TRIM2: variants seen among roughly 807,000 people sequenced by gnomAD.
The protein encoded by TRIM2 is tripartite motif-containing protein 2.
A neutral mutation model predicts 75.2 loss-of-function variants in TRIM2; 20 were observed. The observed-to-expected ratio is 0.27, with a 90% CI of 0.19 to 0.39. The LOEUF is 0.39. TRIM2 is among the 10% of genes least tolerant of loss of function. The pLI, the probability that TRIM2 is intolerant of heterozygous loss-of-function variation, is 1.00. For synonymous variants in TRIM2, 373 were observed against 388.3 expected, an observed-to-expected ratio of 0.96 and a Z score of 0.46; for missense variants, 660 against 990.8, an observed-to-expected ratio of 0.67 and a Z score of 4.48.
At chr4:153,228,630 T>C (rs903238037) in intron 1 of TRIM2, among the ~76,000 whole-genome samples, 12 of 152,256 alleles carry the variant, frequency 7.9e-5, no homozygotes, top group African/African-American at 2.9e-4. Flanking sequence ...AATTCTTTCT[T>C]ACAATGCTGC....
At chr4:153,235,262 T>A (rs1744716093) in intron 1 of TRIM2, among the ~76,000 whole-genome samples, 1 of 151,974 alleles carries the variant, frequency 6.6e-6, no homozygotes, top group Admixed American at 6.6e-5. Flanking sequence ...TGGGAAAAGC[T>A]GTGCCTGCTT....
At chr4:153,220,598 G>T (rs1394232938) in intron 1 of TRIM2, among the ~76,000 whole-genome samples, 1 of 152,118 alleles carries the variant, frequency 6.6e-6, no homozygotes, top group Non-Finnish European at 1.5e-5. Flanking sequence ...TTTAAAATGG[G>T]CAAATAGTGT....
At position 153,295,163 on chromosome 4, in the gene TRIM2, G is replaced by A; in HGVS notation, c.787-150G>A. 1.8e-6 allele frequency: 2 copies of A among 1,098,036 alleles called. No individual in the cohort carries two copies. Among genetic ancestry groups the A allele is most frequent in the East Asian group, 2.6e-5 (1 of 37,756 alleles). The allele number at this position is 1,098,036 out of a possible 1,614,324, so 68.0% of individuals were successfully genotyped here. A position where few individuals can be genotyped will look rare whatever the true frequency, so the allele number is the denominator to read the frequency against. ...GAATGCAGTTTAGGACTTTGCGTTA[G>A]CACTGGGTTCCCTGGGTTGACAAAC... On this transcript the variant is annotated intron_variant, in intron 5 of 11. Transcript: ENST00000338700. This position sits in a 1 kb window ranked among gnomAD's most constrained non-coding sequence, Gnocchi z 7.2.
chr4:153,294,305 G>A lies in TRIM2; in HGVS notation c.606G>A (p.Arg202=). 1 of 1,613,682 alleles carries A rather than the reference G, an allele frequency of 6.2e-7. No homozygotes were observed. The highest frequency in any genetic ancestry group is 8.5e-7 in the Non-Finnish European group (1 of 1,179,794). ...ACGACCTTTAACAACTGTCCACCAG[G>A]CTCCCAGAAATAGATTCTGCTCTTC... is the stretch of plus-strand genomic sequence containing the variant. The part of the protein sequence containing the change: ...LQVQLDAVNK[R]LPEIDSALQF... The change falls in exon 5 of 12, where the codon AGG becomes AGA. Residue 202 remains arginine, a splice_region_variant and synonymous_variant. Coordinates refer to ENST00000338700, the MANE Select transcript of TRIM2 (RefSeq NM_015271.5).
intron 1 of TRIM2, among the ~76,000 whole-genome samples, chr4:153,161,947 C>T (rs1284875980): frequency 1.3e-5 from 2 of 152,346 alleles, no homozygotes; most frequent in East Asian, 3.9e-4. Context: ...TGGCCAGACT[C>T]TGATTATGAT....
chr4:153,283,722 T>C (rs1759895281), intron 3 of TRIM2, among the ~76,000 whole-genome samples: 1 of 151,752 alleles, frequency 6.6e-6, no homozygotes, highest in Non-Finnish European at 1.5e-5. Context: ...CTGCAACTTC[T>C]GCCTCCCAGG....
At chr4:153,328,693 A>G (rs375598556) in intron 11 of TRIM2, 23 bp downstream of exon 11, 26 of 1,562,614 alleles carry the variant, frequency 1.7e-5, no homozygotes, top group Non-Finnish European at 1.6e-5. Flanking sequence ...GCTAATGTAT[A>G]TGGTTAGAGT....
At chr4:153,204,357 C>T (rs1259086379), upstream of TRIM2, 3 of 661,688 alleles carry the variant, frequency 4.5e-6, no homozygotes, top group East Asian at 8.2e-5. Context: ...ATCATTGGCT[C>T]TCATTGTCCC....
At chr4:153,177,646 C>CAA (rs1211243448) in intron 1 of TRIM2, among the ~76,000 whole-genome samples, 1 of 132,868 alleles carries the variant, frequency 7.5e-6, no homozygotes, top group African/African-American at 3.0e-5. Context: ...ACTCCTTCTC[C>CAA]AAAAAAAAAA....
chr4:153,187,029 T>C (rs1273761007), intron 1 of TRIM2, among the ~76,000 whole-genome samples: 1 of 152,232 alleles, frequency 6.6e-6, no homozygotes, highest in African/African-American at 2.4e-5. Flanking sequence ...TTGTAAAGCA[T>C]GCTGTTTATG....
chr4:153,303,610 A>G (rs1238724066), intron 6 of TRIM2, among the ~76,000 whole-genome samples: 1 of 152,210 alleles, frequency 6.6e-6, no homozygotes, highest in Non-Finnish European at 1.5e-5. Flanking sequence ...TAATCCAGAA[A>G]TCATTCAAAG....
chr4:153,282,538 A>G (rs1759574519), intron 3 of TRIM2, among the ~76,000 whole-genome samples: 2 of 152,334 alleles, frequency 1.3e-5, no homozygotes, highest in South Asian at 2.1e-4. Context: ...ACAAAAGTAA[A>G]TAAATACATA....
chr4:153,296,075 A>T, intron 6 of TRIM2, 39 bp downstream of exon 6: 1 of 1,510,724 alleles, frequency 6.6e-7, no homozygotes, highest in Non-Finnish European at 8.8e-7. Context: ...CTGAGCTGGC[A>T]CTGGTTAAGG....
chr4:153,233,849 A>G (rs576552277), intron 1 of TRIM2, among the ~76,000 whole-genome samples: 1 of 152,312 alleles, frequency 6.6e-6, no homozygotes, highest in East Asian at 1.9e-4. Flanking sequence ...GAGATGTTAA[A>G]TGTTGCATTG....
intron 6 of TRIM2, chr4:153,308,615 C>A: frequency 1.6e-6 from 1 of 637,176 alleles, no homozygotes; most frequent in South Asian, 1.4e-5. Flanking sequence ...TCATCCACAC[C>A]TTTGGTCTTG....
chr4:153,173,784 T>C (rs1002617377), intron 1 of TRIM2, among the ~76,000 whole-genome samples: 7 of 150,190 alleles, frequency 4.7e-5, no homozygotes, highest in Admixed American at 2.0e-4. Context: ...CGGACCAACA[T>C]GGAAAAACCC....
At chr4:153,163,304 G>A (rs927294017) in intron 1 of TRIM2, among the ~76,000 whole-genome samples, 2 of 152,020 alleles carry the variant, frequency 1.3e-5, no homozygotes, top group African/African-American at 4.8e-5. Context: ...TCCCATCTCA[G>A]CCTCCTGAGT....
chr4:153,202,745 G>C (rs1734525186), upstream of TRIM2, among the ~76,000 whole-genome samples: 1 of 150,338 alleles, frequency 6.7e-6, no homozygotes, highest in African/African-American at 2.4e-5. Context: ...AAGCCCTACA[G>C]TTTACTTTCT....
At chr4:153,310,806 C>T (rs774326159) in intron 6 of TRIM2, among the ~76,000 whole-genome samples, 17 of 152,132 alleles carry the variant, frequency 1.1e-4, no homozygotes, top group South Asian at 2.1e-4. Flanking sequence ...GTGCCTGTTT[C>T]GTTTAGCTTC....
Sources: allele counts gnomAD v4.1 joint callset (sites outside exome capture counted in the v4.1 genomes callset), GRCh38; gene constraint gnomAD v4.1.1; non-coding constraint Gnocchi (gnomAD v3.1); transcripts MANE v1.5; gene names NCBI Gene and HGNC (gene_info 2026-07-23, HGNC 2026-07-21).